Variants in CTIF observed in about 807,000 individuals in gnomAD.
The protein encoded by CTIF is cap binding complex dependent translation initiation factor.
CTIF carries 21 observed loss-of-function variants against 66.0 expected under a neutral mutation model. That is an observed-to-expected ratio of 0.32 (90% CI 0.23 to 0.46). The LOEUF (loss-of-function observed/expected upper bound fraction) is 0.46, where lower values mean the gene tolerates loss of function less well. CTIF is among the 20% of genes least tolerant of loss of function. The pLI is 1.00. For synonymous variants in CTIF, 345 were observed against 326.4 expected, an observed-to-expected ratio of 1.06 and a Z score of -0.62; for missense variants, 739 against 812.7, an observed-to-expected ratio of 0.91 and a Z score of 1.10.
chr18:48,586,703 C>T (rs1317598528), intron 1 of CTIF, among the ~76,000 whole-genome samples: 1 of 152,168 alleles, frequency 6.6e-6, no homozygotes, highest in African/African-American at 2.4e-5. Context: ...ATGCTCTGCT[C>T]ATTTTGCTAT....
chr18:48,748,221 G>C (rs549893589), intron 7 of CTIF, among the ~76,000 whole-genome samples: 1 of 152,182 alleles, frequency 6.6e-6, no homozygotes, highest in Non-Finnish European at 1.5e-5. Flanking sequence ...TCCTGGATGG[G>C]CTTTCTGCTC....
At position 48,701,915 on chromosome 18, in the gene CTIF, A is replaced by G. The variant is rs2092089867; in HGVS notation, c.508-9704A>G. On this transcript the variant is annotated intron_variant, in intron 6 of 11. Transcript: ENST00000256413. ...TCCTAAAGTTGTATCATGTTAAATT[A>G]TTTAGGACTTTTTTGGTTGCAAGCG... Among the ~76,000 whole-genome samples, 3 of 152,220 alleles carry G rather than the reference A, an allele frequency of 2.0e-5. 1 individual carries two copies. In the South Asian group the frequency reaches 6.2e-4, roughly 32 times the overall value.
At chr18:48,596,442 G>A (rs937323363) in intron 1 of CTIF, among the ~76,000 whole-genome samples, 1 of 151,950 alleles carries the variant, frequency 6.6e-6, no homozygotes, top group Non-Finnish European at 1.5e-5. Context: ...ATGTGCCAAT[G>A]GAATCAGTCC....
chr18:48,555,141 G>C (rs910570201), intron 1 of CTIF, among the ~76,000 whole-genome samples: 1 of 140,710 alleles, frequency 7.1e-6, no homozygotes, highest in South Asian at 2.1e-4. Flanking sequence ...GGTGTTCGAG[G>C]TGTGACCTGA....
At chr18:48,614,679 G>A (rs528251367) in intron 1 of CTIF, among the ~76,000 whole-genome samples, 1 of 152,200 alleles carries the variant, frequency 6.6e-6, no homozygotes, top group African/African-American at 2.4e-5. Context: ...AATTCATAGA[G>A]AGAAGGGTGA....
At chr18:48,796,415 A>G (rs769420159) in intron 9 of CTIF, among the ~76,000 whole-genome samples, 2 of 151,988 alleles carry the variant, frequency 1.3e-5, no homozygotes, top group Non-Finnish European at 2.9e-5. Flanking sequence ...TGACCTCGCA[A>G]TCTGCCCGCC....
At chr18:48,724,759 C>A (rs143055629) in intron 7 of CTIF, among the ~76,000 whole-genome samples, 1 of 152,360 alleles carries the variant, frequency 6.6e-6, no homozygotes, top group African/African-American at 2.4e-5. Flanking sequence ...GCATCCAGCA[C>A]ACACATTCAT....
intron 1 of CTIF, among the ~76,000 whole-genome samples, chr18:48,575,561 A>C (rs1333674980): frequency 6.6e-6 from 1 of 152,250 alleles, no homozygotes; most frequent in African/African-American, 2.4e-5. Flanking sequence ...CAGGACCTCC[A>C]AGCCCTGCAA....
chr18:48,799,824 T>C (rs1421754111), intron 9 of CTIF, among the ~76,000 whole-genome samples: 4 of 152,196 alleles, frequency 2.6e-5, no homozygotes, highest in Non-Finnish European at 4.4e-5. Context: ...AGCAGGTACA[T>C]TGCCGAATAA....
intron 7 of CTIF, among the ~76,000 whole-genome samples, chr18:48,722,859 T>C (rs151038762): frequency 1.7e-3 from 266 of 152,366 alleles, no homozygotes; most frequent in African/African-American, 6.2e-3. Context: ...TGTAGCAGGC[T>C]GTGCATCCCA....
chr18:48,859,442 C>T lies in CTIF; in HGVS notation c.1680C>T (p.Ser560=), dbSNP rs770911751. 10 of 1,614,188 alleles carry T rather than the reference C, an allele frequency of 6.2e-6. No homozygotes were observed. Among genetic ancestry groups the T allele is most frequent in the Non-Finnish European group, 7.6e-6 (9 of 1,180,026 alleles). ...ARDKMLCPSE[S]MLTRSLLLEV... ...ACAAGATGCTGTGCCCCTCGGAGTC[C>T]ATGCTGACCCGGTCGCTGCTCCTAG... is the stretch of plus-strand genomic sequence containing the variant. Residue 560 remains serine, a synonymous_variant, in exon 12 of 12, where the codon TCC becomes TCT. Coordinates refer to ENST00000256413, the MANE Select transcript of CTIF (RefSeq NM_014772.3).
At chr18:48,599,817 C>T (rs1383461947) in intron 1 of CTIF, among the ~76,000 whole-genome samples, 1 of 152,158 alleles carries the variant, frequency 6.6e-6, no homozygotes, top group African/African-American at 2.4e-5. Flanking sequence ...GAAAGGGTGA[C>T]CCCTGTGTCT....
At position 48,758,061 on chromosome 18, in the gene CTIF, G is replaced by T. The variant is rs775574826; in HGVS notation, c.727G>T (p.Gly243Cys). 1.5e-5 allele frequency: 25 copies of T among 1,613,966 alleles called. No individual in the cohort carries two copies. Among genetic ancestry groups the T allele is most frequent in the Non-Finnish European group, 2.1e-5 (25 of 1,180,024 alleles). The part of the protein sequence containing the change: ...PHPSGRPTHH[G>C]YSQNRRWHHG... ...CCCCTCAGGGAGGCCCACTCACCAT[G>T]GCTACAGCCAGAACCGGCGCTGGCA... The change falls in exon 8 of 12, where the codon GGC (glycine) becomes TGC (cysteine). Residue 243 changes from glycine to cysteine, a missense_variant. Coordinates refer to ENST00000256413, the MANE Select transcript of CTIF (RefSeq NM_014772.3).
chr18:48,815,554 C>CT (rs1045956440), intron 9 of CTIF, among the ~76,000 whole-genome samples: 3 of 152,218 alleles, frequency 2.0e-5, no homozygotes, highest in African/African-American at 7.2e-5. Flanking sequence ...CAAGTATATA[C>CT]TTTTTTGTAA....
chr18:48,772,361 C>T (rs934514618), intron 9 of CTIF, among the ~76,000 whole-genome samples: 17 of 152,078 alleles, frequency 1.1e-4, no homozygotes, highest in Admixed American at 2.6e-4. Flanking sequence ...GTTTTAAGTG[C>T]ACAGTTCAGC....
intron 7 of CTIF, among the ~76,000 whole-genome samples, chr18:48,734,395 G>A (rs1186174929): frequency 3.3e-5 from 5 of 152,248 alleles, no homozygotes; most frequent in South Asian, 4.2e-4. Context: ...GTGAAACCCC[G>A]TCTCTACTAA....
rs564127638 is a variant in CTIF, at chr18:48,664,764, C to T, written c.431+213C>T. ...CCAGCCCCCTCTAGCCATGCCATCC[C>T]CACCTGCTCCTGATGACCCACAGTG... On this transcript the variant is annotated intron_variant, in intron 5 of 11. Coordinates refer to ENST00000256413, the MANE Select transcript of CTIF (RefSeq NM_014772.3). Among the ~76,000 whole-genome samples, 17 of 152,302 alleles carry T rather than the reference C, an allele frequency of 1.1e-4. No individual in the cohort carries two copies. In the South Asian group the frequency reaches 2.1e-3, roughly 19 times the overall value.
chr18:48,852,766 T>C (rs2069236525), intron 10 of CTIF, among the ~76,000 whole-genome samples: 1 of 152,208 alleles, frequency 6.6e-6, no homozygotes, highest in Admixed American at 6.5e-5. Flanking sequence ...TTGTATGGCA[T>C]GTGTGTGGTT....
intron 7 of CTIF, among the ~76,000 whole-genome samples, chr18:48,730,175 A>G (rs548103690): frequency 8.6e-5 from 13 of 151,778 alleles, no homozygotes; most frequent in Admixed American, 5.2e-4. Context: ...GGGCCTCCAC[A>G]GTGTGAGGGG....
Sources: gnomAD v4.1 joint callset for allele counts (sites outside exome capture counted in the v4.1 genomes callset) on GRCh38, gnomAD v4.1.1 for gene constraint, MANE v1.5 for transcripts, NCBI Gene and HGNC (gene_info 2026-07-23, HGNC 2026-07-21) for gene names.